The following ASRGL1 variants were observed in gnomAD, a reference collection of about 807,000 sequenced individuals.
ASRGL1 encodes isoaspartyl peptidase/L-asparaginase.
Under a neutral mutation model 22.4 loss-of-function variants are expected in ASRGL1, and 16 were observed. The observed-to-expected ratio is 0.71, with a 90% CI of 0.48 to 1.08. ASRGL1 has a LOEUF of 1.08. ASRGL1 is among the 50% of genes least tolerant of loss of function. The pLI is 0.00. For synonymous variants in ASRGL1, 165 were observed against 159.3 expected (o/e 1.04, Z -0.27); for missense variants, 412 against 410.1 (o/e 1.00, Z -0.04).
intron 4 of ASRGL1, among the ~76,000 whole-genome samples, chr11:62,387,302 G>A (rs1947239366): frequency 6.6e-6 from 1 of 152,084 alleles, no homozygotes; most frequent in Non-Finnish European, 1.5e-5. Flanking sequence ...CCTTTGCAAT[G>A]GCCTAAAGGT....
chr11:62,376,851 A>G (rs565501488), intron 4 of ASRGL1, among the ~76,000 whole-genome samples: 1 of 152,334 alleles, frequency 6.6e-6, no homozygotes, highest in South Asian at 2.1e-4. Context: ...CAGCAAAACA[A>G]GACAATAAAT....
chr11:62,385,636 G>A lies in ASRGL1; in HGVS notation c.492-3497G>A, dbSNP rs553006719. On this transcript the variant is annotated intron_variant, in intron 4 of 6. Coordinates refer to ENST00000415229, the MANE Select transcript of ASRGL1 (RefSeq NM_001083926.2). ...TCCCAGCAGCTTGGGTGGCTGAGGC[G>A]GGTGGATCACTTGAGCCCAGGAGTT... Among the ~76,000 whole-genome samples, 11 of 152,272 alleles carry A rather than the reference G, an allele frequency of 7.2e-5. No homozygotes were observed. In the South Asian group the frequency reaches 1.9e-3, roughly 26 times the overall value.
intron 2 of ASRGL1, among the ~76,000 whole-genome samples, chr11:62,341,342 G>A (rs866341824): frequency 6.6e-6 from 1 of 151,898 alleles, no homozygotes; most frequent in East Asian, 1.9e-4. Context: ...GGGACTATAG[G>A]CACCCACCAC....
intron 2 of ASRGL1, among the ~76,000 whole-genome samples, chr11:62,344,729 G>C (rs555856336): frequency 6.6e-6 from 1 of 152,094 alleles, no homozygotes; most frequent in South Asian, 2.1e-4. Flanking sequence ...TATCCTTTGT[G>C]TTATAAACAA....
chr11:62,358,054 C>T (rs1192510999), intron 4 of ASRGL1, among the ~76,000 whole-genome samples: 1 of 152,146 alleles, frequency 6.6e-6, no homozygotes, highest in Non-Finnish European at 1.5e-5. Context: ...ATGTGTTCCT[C>T]AGGTTCAGAG....
intron 4 of ASRGL1, among the ~76,000 whole-genome samples, chr11:62,374,965 C>G (rs1410032464): frequency 5.9e-5 from 9 of 152,046 alleles, no homozygotes; most frequent in Admixed American, 1.3e-4. Flanking sequence ...TGAGGTCTCT[C>G]CTTTGAGTCG....
intron 3 of ASRGL1, 86 bp downstream of exon 3, chr11:62,356,553 G>T: frequency 6.9e-7 from 1 of 1,443,976 alleles, no homozygotes; most frequent in Non-Finnish European, 9.5e-7. Context: ...AGAAATACTT[G>T]AGATCACTGT....
the ASRGL1 span, among the ~76,000 whole-genome samples, chr11:62,398,998 G>A: frequency 6.6e-6 from 1 of 152,118 alleles, no homozygotes; most frequent in Admixed American, 6.6e-5. Context: ...GTGAAACCCC[G>A]TGTCTACTAA....
chr11:62,362,476 AAATATATAT>A (rs2134626399), intron 4 of ASRGL1, among the ~76,000 whole-genome samples: 1 of 117,844 alleles, frequency 8.5e-6, no homozygotes, highest in Non-Finnish European at 1.7e-5. Context: ...ATATTATATA[AAATATATAT>A]AATATATATT....
intron 4 of ASRGL1, among the ~76,000 whole-genome samples, chr11:62,380,721 G>T: frequency 6.6e-6 from 1 of 151,976 alleles, no homozygotes; most frequent in Non-Finnish European, 1.5e-5. Context: ...TCATATAAGG[G>T]GAGTTGGGTC....
intron 4 of ASRGL1, chr11:62,371,953 CAAAAA>C (rs35892721): frequency 5.8e-4 from 247 of 422,582 alleles, no homozygotes; most frequent in African/African-American, 2.0e-3. Context: ...GACTCCGTCT[CAAAAA>C]AAAAAAAAAA....
At chr11:62,393,852 G>T (rs11231073), downstream of ASRGL1, among the ~76,000 whole-genome samples, 71,363 of 151,176 alleles carry the variant, frequency 0.47, 17,700 homozygotes, top group African/African-American at 0.63. Context: ...CCACGTTGGT[G>T]TCTCCCGAGG....
At chr11:62,351,282 G>C (rs544956230) in intron 2 of ASRGL1, among the ~76,000 whole-genome samples, 12 of 152,290 alleles carry the variant, frequency 7.9e-5, no homozygotes, top group African/African-American at 2.9e-4. Context: ...GAAAATTCAA[G>C]AGGAGAAGGA....
chr11:62,354,662 A>G (rs377215056), intron 2 of ASRGL1, among the ~76,000 whole-genome samples: 42 of 152,276 alleles, frequency 2.8e-4, no homozygotes, highest in African/African-American at 9.1e-4. Flanking sequence ...TGCTGGAGAA[A>G]GGGAGGAATC....
At chr11:62,365,565 A>G (rs1256276642) in intron 4 of ASRGL1, among the ~76,000 whole-genome samples, 1 of 152,054 alleles carries the variant, frequency 6.6e-6, no homozygotes, top group African/African-American at 2.4e-5. Flanking sequence ...AAAACAAAAA[A>G]AAGGCTGGGT....
rs199898607 is a variant in ASRGL1, at chr11:62,392,236, G to C, written c.879G>C (p.Leu293=). ...GGGCAGCCGCCAAGGACGGCAAGCT[G>C]CACTTCGGAATTGATCCTGACGATA... is the stretch of plus-strand genomic sequence containing the variant. ...MPWAAAKDGK[L]HFGIDPDDTT... The change falls in exon 7 of 7, where the codon CTG becomes CTC. Residue 293 remains leucine, a synonymous_variant. Transcript: ENST00000415229. The C allele has an allele frequency of 9.0e-5, 146 of 1,614,176 alleles. 1 individual carries two copies. In the East Asian group the frequency reaches 3.3e-3, roughly 36 times the overall value.
At chr11:62,380,962 G>A (rs1024147965) in intron 4 of ASRGL1, among the ~76,000 whole-genome samples, 3 of 152,080 alleles carry the variant, frequency 2.0e-5, no homozygotes, top group Non-Finnish European at 2.9e-5. Flanking sequence ...TATAGTGGGC[G>A]GCTGAGGCTA....
intron 4 of ASRGL1, among the ~76,000 whole-genome samples, chr11:62,377,149 G>A (rs1946952116): frequency 6.6e-6 from 1 of 152,170 alleles, no homozygotes; most frequent in Non-Finnish European, 1.5e-5. Context: ...ATGAGTCAAA[G>A]CATGAAGTTC....
At chr11:62,390,383 C>T (rs1164535455) in intron 5 of ASRGL1, among the ~76,000 whole-genome samples, 1 of 152,222 alleles carries the variant, frequency 6.6e-6, no homozygotes, top group African/African-American at 2.4e-5. Flanking sequence ...CCTGGACAGT[C>T]ATGGGGGACG....
Sources: allele counts gnomAD v4.1 joint callset (sites outside exome capture counted in the v4.1 genomes callset), GRCh38; gene constraint gnomAD v4.1.1; transcripts MANE v1.5; gene names NCBI Gene and HGNC (gene_info 2026-07-23, HGNC 2026-07-21).